Variants in ATP1A1 observed in about 807,000 individuals in gnomAD.
ATP1A1 encodes the protein sodium/potassium-transporting ATPase subunit alpha-1.
Under a neutral mutation model 114.8 loss-of-function variants are expected in ATP1A1, and 14 were observed. The observed-to-expected ratio is 0.12, with a 90% CI of 0.08 to 0.19. The LOEUF (loss-of-function observed/expected upper bound fraction) is 0.19. ATP1A1 is among the 10% of genes least tolerant of loss of function. The pLI is 1.00. For missense variants in ATP1A1, 524 were observed against 1,290.7 expected, an observed-to-expected ratio of 0.41 and a Z score of 9.10; for synonymous variants, 471 against 466.3, an observed-to-expected ratio of 1.01 and a Z score of -0.13.
At chr1:116,374,026 C>CGGG in intron 1 of ATP1A1, 1 of 1,406,996 alleles carries the variant, frequency 7.1e-7, no homozygotes, top group Non-Finnish European at 9.2e-7. Context: ...CCGGGGCCTC[C>CGGG]TCCCGGGCCT....
In ATP1A1 at chr1:116,385,506, A is replaced by T. The variant is rs1034823335; in HGVS notation, c.183+664A>T. The T allele has an allele frequency of 6.5e-6, 1 of 153,172 alleles. No individual in the cohort carries two copies. Among genetic ancestry groups the T allele is most frequent in the African/African-American group, 2.4e-5 (1 of 41,446 alleles). The allele number at this position is 153,172 out of a possible 1,614,324, so 9.5% of individuals were successfully genotyped here. A position where few individuals can be genotyped will look rare whatever the true frequency, so the allele number is the denominator to read the frequency against. ...GCCAATATGTAGCATTTTTTCAGTA[A>T]GGCATCAAGAGACATGGGTACTGTG... On this transcript the variant is annotated intron_variant, in intron 3 of 22. Coordinates refer to ENST00000295598, the MANE Select transcript of ATP1A1 (RefSeq NM_000701.8). This position sits in a 1 kb window ranked among gnomAD's most constrained non-coding sequence, Gnocchi z 4.3.
chr1:116,393,350 ATT>A lies in ATP1A1; in HGVS notation c.1468-169_1468-168del, dbSNP rs60076505. Among the ~76,000 whole-genome samples, 45 of 144,788 alleles carry A rather than the reference ATT, an allele frequency of 3.1e-4. No individual in the cohort carries two copies. The highest frequency in any genetic ancestry group is 1.0e-3 in the African/African-American group (42 of 40,170). The allele number at this position is 144,788 out of a possible 152,430, so 95.0% of individuals were successfully genotyped here. ...AATTTATGAATATATCATAGTGCTC[ATT>A]TTTTTTTTTTTCTGTAGCATTCAAA... On this transcript the variant is annotated intron_variant, in intron 11 of 22. Coordinates refer to ENST00000295598, the MANE Select transcript of ATP1A1 (RefSeq NM_000701.8). The surrounding 1 kb of genome is among the most constrained non-coding windows in gnomAD (Gnocchi z 5.0).
intron 1 of ATP1A1, chr1:116,373,997 C>A: frequency 7.3e-7 from 1 of 1,366,890 alleles, no homozygotes; most frequent in Non-Finnish European, 9.4e-7. Context: ...CGCTCCTCCC[C>A]TTCCCCTGGG....
chr1:116,374,024 TC>T, intron 1 of ATP1A1: 3 of 20,336 alleles, frequency 1.5e-4, no homozygotes, highest in Non-Finnish European at 1.1e-4. Context: ...CGCCGGGGCC[TC>T]CTCCCGGGCC....
In ATP1A1 at chr1:116,401,072, C is replaced by T. The variant is rs1490411862; in HGVS notation, c.2719-58C>T. On this transcript the variant is annotated intron_variant, in intron 19 of 22. Coordinates refer to ENST00000295598, the MANE Select transcript of ATP1A1 (RefSeq NM_000701.8). The surrounding 1 kb of genome is among the most constrained non-coding windows in gnomAD (Gnocchi z 4.7). ...CAAGCCCCAGAAGACTGAGGCCACA[C>T]TGCCACCAGCCATGCAGGTGAAGAG... The T allele has an allele frequency of 4.3e-6, 7 of 1,612,148 alleles. No individual in the cohort carries two copies. Among genetic ancestry groups the T allele is most frequent in the East Asian group, 4.5e-5 (2 of 44,832 alleles).
At chr1:116,402,930 T>TA (rs1452483987) in intron 21 of ATP1A1, among the ~76,000 whole-genome samples, 4 of 152,212 alleles carry the variant, frequency 2.6e-5, no homozygotes, top group Non-Finnish European at 4.4e-5. Flanking sequence ...AAAGCTGGTG[T>TA]ACAGCAGGGG....
chr1:116,384,829 C>A lies in ATP1A1; in HGVS notation c.170C>A (p.Thr57Lys). 6.2e-7 allele frequency: 1 copy of A among 1,613,390 alleles called. No homozygotes were observed. The highest frequency in any genetic ancestry group is 2.2e-5 in the East Asian group (1 of 44,854). Residue 57 changes from threonine (T) to lysine (K), a missense_variant, in exon 3 of 23, where the codon ACA becomes AAA. Around this residue, in one of 8 missense-constraint regions of ATP1A1, gnomAD observed 141 missense variants for 316.6 expected, o/e 0.45. Transcript: ENST00000295598. This position sits in a 1 kb window ranked among gnomAD's most constrained non-coding sequence, Gnocchi z 5.1. ...GATGAACTTCATCGTAAATATGGAA[C>A]AGACTTGAGCCGGGTATGTTCTAGT... ...SLDELHRKYGTDLSRGLTSAR... is the reference protein window; with the variant it reads ...SLDELHRKYGKDLSRGLTSAR...
rs759845712 is a variant in ATP1A1, at chr1:116,388,728, C to T, written c.592C>T (p.Arg198Ter). ...TCTGGTGGAAGTAAAAGGAGGAGAC[C>T]GAATTCCTGCTGACCTCAGAATCAT... ...GDLVEVKGGD[R>*]IPADLRIISA... The change falls in exon 6 of 23, where the codon CGA (arginine) becomes TGA (stop). Residue 198 changes from arginine (R) to a stop codon, truncating the protein, a stop_gained. Coordinates refer to ENST00000295598, the MANE Select transcript of ATP1A1 (RefSeq NM_000701.8). LOFTEE classifies it high-confidence loss of function. The surrounding 1 kb of genome is among the most constrained non-coding windows in gnomAD (Gnocchi z 5.6). 1 of 1,613,920 alleles carries T rather than the reference C, an allele frequency of 6.2e-7. No homozygotes were observed.
intron 1 of ATP1A1, among the ~76,000 whole-genome samples, chr1:116,382,787 C>T (rs914377681): frequency 2.6e-5 from 4 of 152,150 alleles, no homozygotes; most frequent in African/African-American, 9.7e-5. Context: ...ATAATCTGGA[C>T]ACGAGTTCCT....
chr1:116,403,872 C>T lies in ATP1A1; in HGVS notation c.2952-12C>T. The T allele has an allele frequency of 6.2e-7, 1 of 1,607,980 alleles. No homozygotes were observed. The highest frequency in any genetic ancestry group is 8.5e-7 in the Non-Finnish European group (1 of 1,175,494). On this transcript the variant is annotated splice_polypyrimidine_tract_variant and intron_variant, in intron 21 of 22. Coordinates refer to ENST00000295598, the MANE Select transcript of ATP1A1 (RefSeq NM_000701.8). Reference sequence around the variant, plus strand: ...CGTGTGCATATAAATTGGTACCTTACTCTATTTCCAGACCTACCTGGTGGT... The same window carrying T: ...CGTGTGCATATAAATTGGTACCTTATTCTATTTCCAGACCTACCTGGTGGT...
At position 116,400,894 on chromosome 1, in the gene ATP1A1, A is replaced by AG; in HGVS notation, c.2606_2607insG (p.Tyr869Ter). ...CAGGCCCTGGGAGGCTTCTTTACTTACTTTGTGATTCTGGCTGAGAACGGC... is the reference window on the plus strand; with the variant it reads ...CAGGCCCTGGGAGGCTTCTTTACTTAGCTTTGTGATTCTGGCTGAGAACGGC... ...MIQALGGFFT[Y>*]FVILAENGFL... is the part of the protein sequence containing the mutation. Residue 869 changes from tyrosine to a stop codon, truncating the protein, a stop_gained and frameshift_variant, in exon 19 of 23, where the codon TAC becomes TAGC. Transcript: ENST00000295598. LOFTEE classifies it high-confidence loss of function. 6.2e-7 allele frequency: 1 copy of AG among 1,614,126 alleles called. No homozygotes were observed. Among genetic ancestry groups the AG allele is most frequent in the Non-Finnish European group, 8.5e-7 (1 of 1,180,024 alleles).
chr1:116,401,608 T>C lies in ATP1A1; in HGVS notation c.2904T>C (p.Leu968=). The change falls in exon 21 of 23, where the codon CTT becomes CTC. Residue 968 remains leucine (L), a synonymous_variant. Coordinates refer to ENST00000295598, the MANE Select transcript of ATP1A1 (RefSeq NM_000701.8). The surrounding 1 kb of genome is among the most constrained non-coding windows in gnomAD (Gnocchi z 4.7). ...LFEETALAAF[L]SYCPGMGVAL... ...AAGAGACAGCCCTGGCTGCTTTCCT[T>C]TCCTACTGCCCTGGAATGGGTGTTG... The C allele has an allele frequency of 6.2e-7, 1 of 1,614,252 alleles. No homozygotes were observed. The highest frequency in any genetic ancestry group is 8.5e-7 in the Non-Finnish European group (1 of 1,180,038).
rs1570959516 is a variant in ATP1A1 at position 116,390,834 on chromosome 1, A to G, written c.1275A>G (p.Ala425=). 1 of 1,614,214 alleles carries G rather than the reference A, an allele frequency of 6.2e-7. No individual in the cohort carries two copies. Among genetic ancestry groups the G allele is most frequent in the Non-Finnish European group, 8.5e-7 (1 of 1,180,022 alleles). ...SATWLALSRI[A]GLCNRAVFQA... ...CCTGGCTTGCTCTGTCCAGAATTGC[A>G]GGTCTTTGTAACAGGGCAGTGTTTC... Residue 425 remains alanine (A), a synonymous_variant, in exon 10 of 23, where the codon GCA becomes GCG. Transcript: ENST00000295598.
In ATP1A1 at chr1:116,399,151, T is replaced by G; in HGVS notation, c.2448+67T>G. The G allele has an allele frequency of 6.2e-7, 1 of 1,600,066 alleles. No individual in the cohort carries two copies. Among genetic ancestry groups the G allele is most frequent in the Non-Finnish European group, 8.6e-7 (1 of 1,168,962 alleles). Reference sequence around the variant, plus strand: ...GAGCTGTGTCTTCATTCACTGGCACTATGCTCCCAGCATCCATGAGGCTGG... The same window carrying G: ...GAGCTGTGTCTTCATTCACTGGCACGATGCTCCCAGCATCCATGAGGCTGG... On this transcript the variant is annotated intron_variant, in intron 17 of 22. Transcript: ENST00000295598. The surrounding 1 kb of genome is among the most constrained non-coding windows in gnomAD (Gnocchi z 5.0).
In ATP1A1 at chr1:116,395,628, CTGTT is replaced by C. The variant is rs1202339335; in HGVS notation, c.1836+348_1836+351del. Among the ~76,000 whole-genome samples, 4 of 152,302 alleles carry C rather than the reference CTGTT, an allele frequency of 2.6e-5. No individual in the cohort carries two copies. Among genetic ancestry groups the C allele is most frequent in the East Asian group, 1.9e-4 (1 of 5,190 alleles). ...GCATATCTTCTGTGTTTTCAGTTAA[CTGTT>C]TGTTAATGAGTGTTTGGTGTCCTCT... is the stretch of plus-strand genomic sequence containing the variant. On this transcript the variant is annotated intron_variant, in intron 13 of 22. Transcript: ENST00000295598. This position sits in a 1 kb window ranked among gnomAD's most constrained non-coding sequence, Gnocchi z 6.4.
At position 116,395,172 on chromosome 1, in the gene ATP1A1, G is replaced by A. The variant is rs757809799; in HGVS notation, c.1723G>A (p.Asp575Asn). 3.1e-6 allele frequency: 5 copies of A among 1,613,956 alleles called. No individual in the cohort carries two copies. The highest frequency in any genetic ancestry group is 2.7e-5 in the African/African-American group (2 of 74,906). The part of the protein sequence containing the change: ...FPEGFQFDTD[D>N]VNFPIDNLCF... ...TGAAGGGTTCCAGTTTGACACTGAC[G>A]ATGTGAATTTCCCTATCGATAATCT... Residue 575 changes from aspartate to asparagine, a missense_variant, in exon 13 of 23, where the codon GAT becomes AAT. By Grantham distance (23) the Asp-to-Asn change is conservative. Transcript: ENST00000295598. The surrounding 1 kb of genome is among the most constrained non-coding windows in gnomAD (Gnocchi z 6.4).
chr1:116,373,694 G>A (rs1364415480), intron 1 of ATP1A1, among the ~76,000 whole-genome samples, 171 bp downstream of exon 1: 1 of 151,112 alleles, frequency 6.6e-6, no homozygotes, highest in Non-Finnish European at 1.5e-5. Context: ...TGGAAATGGA[G>A]GGAGCGCAGT....
chr1:116,388,464 C>A lies in ATP1A1; in HGVS notation c.502-174C>A. 1 of 1,004,054 alleles carries A rather than the reference C, an allele frequency of 1.0e-6. No homozygotes were observed. Among genetic ancestry groups the A allele is most frequent in the Non-Finnish European group, 1.4e-6 (1 of 699,336 alleles). The allele number at this position is 1,004,054 out of a possible 1,614,324, so 62.2% of individuals were successfully genotyped here. A position where few individuals can be genotyped will look rare whatever the true frequency, so the allele number is the denominator to read the frequency against. On this transcript the variant is annotated intron_variant, in intron 5 of 22. Coordinates refer to ENST00000295598, the MANE Select transcript of ATP1A1 (RefSeq NM_000701.8). This position sits in a 1 kb window ranked among gnomAD's most constrained non-coding sequence, Gnocchi z 5.6. The stretch of plus-strand genomic sequence containing the variant: ...TGAATACAGGCACACCATGTAACAG[C>A]AATATCTCTTAAACTGGCGAGCAAG...
In ATP1A1 at chr1:116,389,027, A is replaced by C; in HGVS notation, c.754+8A>C. The C allele has an allele frequency of 6.2e-7, 1 of 1,608,908 alleles. No homozygotes were observed. Among genetic ancestry groups the C allele is most frequent in the Non-Finnish European group, 8.5e-7 (1 of 1,175,502 alleles). On this transcript the variant is annotated splice_region_variant and intron_variant, in intron 7 of 22. Transcript: ENST00000295598. This position sits in a 1 kb window ranked among gnomAD's most constrained non-coding sequence, Gnocchi z 6.9. Reference sequence around the variant, plus strand: ...CAACCAATTGTGTTGAAGGTAGGCCATTTTTGGGCACTTTGAGCATGGCGT... The same window carrying C: ...CAACCAATTGTGTTGAAGGTAGGCCCTTTTTGGGCACTTTGAGCATGGCGT...
Sources: gnomAD v4.1 joint callset for allele counts (sites outside exome capture counted in the v4.1 genomes callset) on GRCh38, gnomAD v4.1.1 for gene constraint, gnomAD v4.1.1 regional missense constraint, Gnocchi (gnomAD v3.1) non-coding constraint, MANE v1.5 for transcripts, NCBI Gene and HGNC (gene_info 2026-07-23, HGNC 2026-07-21) for gene names.